The following MYO16 variants were observed in gnomAD, a reference collection of about 807,000 sequenced individuals.
The protein encoded by MYO16 is myosin XVI, also known as unconventional myosin-XVI.
MYO16 carries 94 observed loss-of-function variants against 205.3 expected under a neutral mutation model. The ratio of observed to expected loss-of-function variants is 0.46; its 90% CI spans 0.39 to 0.54. The LOEUF is 0.54. Ranked by LOEUF, MYO16 falls within the 20% of genes least tolerant of loss-of-function variation. The pLI is 0.00. For synonymous variants in MYO16, 988 were observed against 954.0 expected (o/e 1.04, Z -0.66); for missense variants, 2,315 against 2,387.5 (o/e 0.97, Z 0.63).
At chr13:108,882,768 A>G (rs749750036) in intron 12 of MYO16, among the ~76,000 whole-genome samples, 1 of 152,216 alleles carries the variant, frequency 6.6e-6, no homozygotes, top group Non-Finnish European at 1.5e-5. Flanking sequence ...CTGCACAGAT[A>G]TCTATTAAAG....
At chr13:108,598,907 T>A (rs1878659075) in intron 1 of MYO16, among the ~76,000 whole-genome samples, 1 of 151,778 alleles carries the variant, frequency 6.6e-6, no homozygotes, top group South Asian at 2.1e-4. Flanking sequence ...GCCAGTTAGT[T>A]ACATATGTAT....
intron 4 of MYO16, among the ~76,000 whole-genome samples, chr13:108,742,409 T>C (rs1234479193): frequency 6.6e-6 from 1 of 152,216 alleles, no homozygotes; most frequent in Non-Finnish European, 1.5e-5. Flanking sequence ...ATAATTTTTA[T>C]ATGTACTCAG....
At chr13:109,040,385 C>CAGAGAGAGAGAGAGAGAG (rs146955371) in intron 23 of MYO16, among the ~76,000 whole-genome samples, 1,532 of 113,050 alleles carry the variant, frequency 0.014, 15 homozygotes, top group African/African-American at 0.021. Context: ...CACACACACA[C>CAGAGAGAGAGAGAGAGAG]AGAGAGAGAG....
chr13:108,525,596 T>C, the MYO16 span, among the ~76,000 whole-genome samples: 45 of 152,272 alleles, frequency 3.0e-4, no homozygotes, highest in Non-Finnish European at 6.2e-4. Context: ...GGGGGCAAAA[T>C]CACCTGAAGT....
intron 4 of MYO16, among the ~76,000 whole-genome samples, chr13:108,732,144 A>G (rs1219844111): frequency 1.3e-5 from 2 of 152,220 alleles, no homozygotes; most frequent in African/African-American, 4.8e-5. Context: ...CTATTGTCCA[A>G]TGTGGAAGAC....
intron 32 of MYO16, among the ~76,000 whole-genome samples, chr13:109,152,814 A>G (rs1166747646): frequency 2.0e-5 from 3 of 152,226 alleles, no homozygotes; most frequent in Non-Finnish European, 2.9e-5. Flanking sequence ...TAAAACTAGC[A>G]GTAGTATTTC....
chr13:108,684,515 A>T (rs1246961055), intron 2 of MYO16, among the ~76,000 whole-genome samples: 2 of 152,026 alleles, frequency 1.3e-5, no homozygotes, highest in African/African-American at 4.8e-5. Context: ...TATATATTTG[A>T]TCTCTGACCT....
intron 12 of MYO16, among the ~76,000 whole-genome samples, chr13:108,866,906 T>C (rs960772215): frequency 6.6e-6 from 1 of 152,036 alleles, no homozygotes; most frequent in African/African-American, 2.4e-5. Flanking sequence ...TCATAAGATG[T>C]GGCGGGCAGG....
the MYO16 span, among the ~76,000 whole-genome samples, chr13:108,500,206 GTTTTTTTT>G: frequency 5.0e-4 from 6 of 11,946 alleles, 1 homozygote; most frequent in Non-Finnish European, 1.3e-3. Context: ...GTTGATTCCT[GTTTTTTTT>G]TTTTTTGTTT....
intron 1 of MYO16, among the ~76,000 whole-genome samples, chr13:108,612,451 C>T (rs1594143297): frequency 6.6e-6 from 1 of 152,146 alleles, no homozygotes; most frequent in African/African-American, 2.4e-5. Flanking sequence ...CTACTGTCTG[C>T]ACAGTCTTGA....
chr13:109,184,716 C>T (rs779987098), intron 34 of MYO16, among the ~76,000 whole-genome samples: 36 of 152,100 alleles, frequency 2.4e-4, no homozygotes, highest in Non-Finnish European at 2.5e-4. Flanking sequence ...TCTGCCTCAG[C>T]CTCCCAAGTA....
At chr13:108,733,825 T>C (rs1456931464) in intron 4 of MYO16, among the ~76,000 whole-genome samples, 2 of 152,048 alleles carry the variant, frequency 1.3e-5, no homozygotes, top group Admixed American at 6.6e-5. Context: ...AAAAATTAGC[T>C]GGGCATGGTG....
intron 33 of MYO16, among the ~76,000 whole-genome samples, chr13:109,170,927 A>G (rs1427641345): frequency 1.3e-5 from 2 of 152,232 alleles, no homozygotes; most frequent in African/African-American, 4.8e-5. Flanking sequence ...AGTTGGTTCT[A>G]TGCTGTCATT....
chr13:108,529,530 G>A, the MYO16 span, among the ~76,000 whole-genome samples: 2 of 152,048 alleles, frequency 1.3e-5, no homozygotes, highest in Non-Finnish European at 2.9e-5. Context: ...GATGTTCGCC[G>A]TGCACATGAA....
chr13:108,997,383 A>C (rs974927581), intron 21 of MYO16, among the ~76,000 whole-genome samples: 1 of 70,492 alleles, frequency 1.4e-5, no homozygotes, highest in Non-Finnish European at 2.8e-5. Context: ...AGAGAGAGAG[A>C]GAGAGAGGGA....
intron 1 of MYO16, 40 bp downstream of exon 1, chr13:108,629,912 T>C: frequency 6.7e-7 from 1 of 1,502,816 alleles, no homozygotes; most frequent in Non-Finnish European, 8.9e-7. Context: ...GTTATTTGTC[T>C]TGTTGAAGTA....
chr13:109,172,386 C>T (rs565483298), intron 33 of MYO16, among the ~76,000 whole-genome samples: 1 of 152,272 alleles, frequency 6.6e-6, no homozygotes, highest in South Asian at 2.1e-4. Context: ...CCCACTCATC[C>T]TTCTAGTTAA....
chr13:109,158,148 G>C (rs1878170712), intron 32 of MYO16, among the ~76,000 whole-genome samples: 1 of 151,972 alleles, frequency 6.6e-6, no homozygotes, highest in African/African-American at 2.4e-5. Context: ...TGCGCTCCAG[G>C]GCATCTCTTT....
intron 28 of MYO16, among the ~76,000 whole-genome samples, chr13:109,110,793 A>G (rs1354847714): frequency 1.3e-5 from 2 of 152,208 alleles, no homozygotes; most frequent in Non-Finnish European, 2.9e-5. Context: ...AACGAATGAA[A>G]TGGGGGAAAT....
Sources: gnomAD v4.1 joint callset for allele counts (sites outside exome capture counted in the v4.1 genomes callset) on GRCh38, gnomAD v4.1.1 for gene constraint, MANE v1.5 for transcripts, NCBI Gene and HGNC (gene_info 2026-07-23, HGNC 2026-07-21) for gene names.